Variants in RGS12 observed in about 807,000 individuals in gnomAD.
RGS12 encodes regulator of G-protein signaling 12.
Under a neutral mutation model 120.1 loss-of-function variants are expected in RGS12, and 66 were observed. The ratio of observed to expected loss-of-function variants is 0.55; its 90% CI spans 0.45 to 0.67. The LOEUF (loss-of-function observed/expected upper bound fraction) is 0.67, where lower values mean the gene tolerates loss of function less well. Ranked by LOEUF, RGS12 falls within the 30% of genes least tolerant of loss-of-function variation. The pLI, the probability that RGS12 is intolerant of heterozygous loss-of-function variation, is 0.00. For missense variants in RGS12, 1,859 were observed against 1,957.7 expected (o/e 0.95, Z 0.95); for synonymous variants, 827 against 804.7 (o/e 1.03, Z -0.47).
intron 9 of RGS12, 67 bp from the exon 10 acceptor site, chr4:3,420,575 G>T: frequency 6.6e-7 from 1 of 1,518,388 alleles, no homozygotes; most frequent in South Asian, 1.1e-5. Context: ...GGGGGCAGAG[G>T]GTTGGGAGAT....
At chr4:3,373,428 A>G (rs947542305) in intron 3 of RGS12, among the ~76,000 whole-genome samples, 7 of 152,056 alleles carry the variant, frequency 4.6e-5, no homozygotes, top group East Asian at 3.9e-4. Flanking sequence ...GTGTCTGTGG[A>G]CACCTCTGCT....
At chr4:3,313,476 C>T (rs891300498) in intron 1 of RGS12, among the ~76,000 whole-genome samples, 5 of 152,324 alleles carry the variant, frequency 3.3e-5, no homozygotes, top group African/African-American at 1.2e-4. Context: ...CTCCCCTCAC[C>T]CGTGACAAAG....
chr4:3,334,583 T>G (rs541492167), intron 2 of RGS12, among the ~76,000 whole-genome samples: 1 of 152,262 alleles, frequency 6.6e-6, no homozygotes. Context: ...CCTTCTCTTT[T>G]CCCTCCCTTT....
At chr4:3,376,396 G>A (rs1232813144) in intron 3 of RGS12, among the ~76,000 whole-genome samples, 2 of 152,218 alleles carry the variant, frequency 1.3e-5, no homozygotes, top group Non-Finnish European at 2.9e-5. Context: ...GTGGGAGCTG[G>A]GCTGCAGTGA....
chr4:3,375,905 C>T (rs942448987), intron 3 of RGS12, among the ~76,000 whole-genome samples: 4 of 152,340 alleles, frequency 2.6e-5, no homozygotes, highest in South Asian at 2.1e-4. Flanking sequence ...ACCTGAGTCA[C>T]GAATGTCGGC....
At chr4:3,313,441 G>A (rs1724534965) in intron 1 of RGS12, among the ~76,000 whole-genome samples, 1 of 152,310 alleles carries the variant, frequency 6.6e-6, no homozygotes, top group Admixed American at 6.5e-5. Flanking sequence ...TAGTGAGACC[G>A]TTTCACGCAT....
chr4:3,335,830 C>T lies in RGS12; in HGVS notation c.1882-7107C>T, dbSNP rs187855160. 1.5e-3 allele frequency among the ~76,000 whole-genome samples: 231 copies of T among 152,264 alleles called. 3 individuals carry two copies. In the East Asian group the frequency reaches 0.027, roughly 18 times the overall value. On this transcript the variant is annotated intron_variant, in intron 2 of 17. Coordinates refer to ENST00000336727, the MANE Select transcript of RGS12 (RefSeq NM_001394154.1). ...CTGGGCCGGGCGTGGTGGCTCATAC[C>T]TGTAATCCCAGCACTTTGGGAGGCC...
intron 4 of RGS12, among the ~76,000 whole-genome samples, chr4:3,409,119 C>G (rs1721459223): frequency 6.6e-6 from 1 of 152,220 alleles, no homozygotes; most frequent in Non-Finnish European, 1.5e-5. Context: ...ACACCGCCCC[C>G]AAGCCATGCC....
At chr4:3,312,607 G>A in intron 1 of RGS12, 1 of 232,004 alleles carries the variant, frequency 4.3e-6, no homozygotes, top group South Asian at 7.8e-5. Context: ...CCAGTGATGA[G>A]CAGCCTCAGC....
intron 16 of RGS12, among the ~76,000 whole-genome samples, chr4:3,429,655 A>G (rs927676019): frequency 1.3e-5 from 2 of 152,222 alleles, no homozygotes; most frequent in African/African-American, 2.4e-5. Context: ...TAGAAAACCC[A>G]GCCCAGGTAA....
intron 3 of RGS12, among the ~76,000 whole-genome samples, chr4:3,350,839 T>C (rs919642315): frequency 6.6e-6 from 1 of 152,228 alleles, no homozygotes; most frequent in African/African-American, 2.4e-5. Flanking sequence ...TCAGATTTTA[T>C]CATGTAGATG....
At chr4:3,399,920 G>A (rs1720410959) in intron 4 of RGS12, among the ~76,000 whole-genome samples, 1 of 152,240 alleles carries the variant, frequency 6.6e-6, no homozygotes, top group Non-Finnish European at 1.5e-5. Flanking sequence ...CCTAAATGGG[G>A]CACTGCAGGC....
chr4:3,420,860 G>T, intron 10 of RGS12, 142 bp downstream of exon 10: 1 of 771,434 alleles, frequency 1.3e-6, no homozygotes, highest in Non-Finnish European at 2.1e-6. Flanking sequence ...TCGGGTGCCG[G>T]CCCAGGCACA....
At position 3,389,998 on chromosome 4, in the gene RGS12, C is replaced by A. The variant is rs1719314853; in HGVS notation, c.2020+3561C>A. On this transcript the variant is annotated intron_variant, in intron 4 of 17. Transcript: ENST00000336727. This position sits in a 1 kb window ranked among gnomAD's most constrained non-coding sequence, Gnocchi z 5.2. ...CCCCCCTACTCGTCCTCCATGCAGA[C>A]CTCAGTCTTGGCCCTGTCTCTGCAG... Among the ~76,000 whole-genome samples, 1 of 152,190 alleles carries A rather than the reference C, an allele frequency of 6.6e-6. No homozygotes were observed. The highest frequency in any genetic ancestry group is 1.5e-5 in the Non-Finnish European group (1 of 68,034).
chr4:3,394,946 A>T (rs1425244017), intron 4 of RGS12, among the ~76,000 whole-genome samples: 1 of 152,130 alleles, frequency 6.6e-6, no homozygotes, highest in Non-Finnish European at 1.5e-5. Context: ...AGACAGGTGG[A>T]TTCCTTGAGG....
In RGS12 at chr4:3,390,410, C is replaced by T. The variant is rs566879594; in HGVS notation, c.2020+3973C>T. On this transcript the variant is annotated intron_variant, in intron 4 of 17. Transcript: ENST00000336727. This position sits in a 1 kb window ranked among gnomAD's most constrained non-coding sequence, Gnocchi z 4.6. ...TCTGTTGAGTGAATGATCGGGTGTT[C>T]AGCAGACATCAGCCAGAGCGTCAGG... 1.2e-3 allele frequency among the ~76,000 whole-genome samples: 189 copies of T among 152,324 alleles called. No homozygotes were observed. The highest frequency in any genetic ancestry group is 2.1e-3 in the Non-Finnish European group (143 of 68,032).
At chr4:3,437,025 A>T (rs1187763944) in intron 17 of RGS12, among the ~76,000 whole-genome samples, 1 of 152,166 alleles carries the variant, frequency 6.6e-6, no homozygotes, top group African/African-American at 2.4e-5. Context: ...GAGGTGGTGC[A>T]GGCTCTGCTG....
Position 3,417,614 on chromosome 4 carries a change from G to T in RGS12, c.2761+73G>T, listed in dbSNP as rs557537500. 8.1e-5 allele frequency: 124 copies of T among 1,538,784 alleles called. No homozygotes were observed. In the African/African-American group the frequency reaches 1.3e-3, roughly 16 times the overall value. On this transcript the variant is annotated intron_variant, in intron 9 of 17. Transcript: ENST00000336727. ...GTCCCCGTCCTGGCGTCGCTCTGGT[G>T]GTTGGCGGTGACCTTGGGCCATGTG...
intron 10 of RGS12, among the ~76,000 whole-genome samples, chr4:3,422,156 G>C (rs1241319714): frequency 6.6e-6 from 1 of 152,244 alleles, no homozygotes; most frequent in Non-Finnish European, 1.5e-5. Flanking sequence ...AGAGCTGAGA[G>C]AATGATGACC....
Sources: allele counts gnomAD v4.1 joint callset (sites outside exome capture counted in the v4.1 genomes callset), GRCh38; gene constraint gnomAD v4.1.1; non-coding constraint Gnocchi (gnomAD v3.1); transcripts MANE v1.5; gene names NCBI Gene and HGNC (gene_info 2026-07-23, HGNC 2026-07-21).